Variants in DPP6 observed in about 807,000 individuals in gnomAD.
The protein encoded by DPP6 is dipeptidyl peptidase like 6.
DPP6 carries 69 observed loss-of-function variants against 122.6 expected under a neutral mutation model. The ratio of observed to expected loss-of-function variants is 0.56; its 90% CI spans 0.46 to 0.69. The LOEUF is 0.69. DPP6 is among the 30% of genes least tolerant of loss of function. The pLI, the probability that DPP6 is intolerant of heterozygous loss-of-function variation, is 0.00. For missense variants in DPP6, 928 were observed against 1,116.9 expected (o/e 0.83, Z 2.41); for synonymous variants, 418 against 433.1 (o/e 0.97, Z 0.43).
At chr7:154,341,074 T>C (rs1563510647) in intron 1 of DPP6, among the ~76,000 whole-genome samples, 1 of 152,238 alleles carries the variant, frequency 6.6e-6, no homozygotes, top group Non-Finnish European at 1.5e-5. Context: ...GCAGAGATAC[T>C]AGTTTTTATG....
chr7:154,177,496 A>G (rs1290571069), intron 1 of DPP6, among the ~76,000 whole-genome samples: 3 of 152,238 alleles, frequency 2.0e-5, no homozygotes, highest in East Asian at 1.9e-4. Flanking sequence ...GCCAAAGAGG[A>G]GTGACCACTG....
At chr7:154,478,643 C>G (rs1331226413) in intron 3 of DPP6, among the ~76,000 whole-genome samples, 1 of 152,070 alleles carries the variant, frequency 6.6e-6, no homozygotes, top group Admixed American at 6.6e-5. Context: ...ATTGAAATAA[C>G]TTGATCAATA....
intron 7 of DPP6, among the ~76,000 whole-genome samples, chr7:154,693,322 G>C (rs1176576742): frequency 1.3e-5 from 2 of 152,100 alleles, no homozygotes; most frequent in Non-Finnish European, 1.5e-5. Context: ...GTCTCCTCCA[G>C]GTCACATTTT....
At chr7:154,023,325 C>CACACAG (rs1420139978) in intron 1 of DPP6, among the ~76,000 whole-genome samples, 4 of 146,344 alleles carry the variant, frequency 2.7e-5, no homozygotes, top group Non-Finnish European at 6.0e-5. Context: ...TCTGCACACA[C>CACACAG]ACACACACAC....
intron 1 of DPP6, among the ~76,000 whole-genome samples, chr7:154,022,482 G>A (rs1400549471): frequency 1.3e-5 from 2 of 152,210 alleles, no homozygotes; most frequent in Non-Finnish European, 2.9e-5. Context: ...GAAAGTAGAG[G>A]CCGGGAAAAA....
chr7:153,874,700 A>G, the DPP6 span, among the ~76,000 whole-genome samples: 2 of 152,340 alleles, frequency 1.3e-5, no homozygotes, highest in African/African-American at 2.4e-5. Flanking sequence ...ATACCATGAA[A>G]TGGAAACCAT....
chr7:154,618,002 G>T lies in DPP6; in HGVS notation c.628-19819G>T, dbSNP rs928332640. On this transcript the variant is annotated intron_variant, in intron 5 of 25. Transcript: ENST00000377770. The surrounding 1 kb of genome is among the most constrained non-coding windows in gnomAD (Gnocchi z 4.1). Reference sequence around the variant, plus strand: ...TAGGCCATAGGGGCTGCAGACCCGGGACTCAAACGATGTGCAAAGGCCTCA... The same window carrying T: ...TAGGCCATAGGGGCTGCAGACCCGGTACTCAAACGATGTGCAAAGGCCTCA... 1.4e-4 allele frequency among the ~76,000 whole-genome samples: 21 copies of T among 152,144 alleles called. No homozygotes were observed. Among genetic ancestry groups the T allele is most frequent in the Non-Finnish European group, 1.5e-4 (10 of 68,028 alleles).
chr7:154,204,531 G>A (rs1022782928), intron 1 of DPP6, among the ~76,000 whole-genome samples: 1 of 152,046 alleles, frequency 6.6e-6, no homozygotes, highest in Non-Finnish European at 1.5e-5. Flanking sequence ...TATCATCATC[G>A]GCCTCCTCTC....
chr7:154,670,866 AGATC>A (rs1838508681), intron 7 of DPP6, among the ~76,000 whole-genome samples: 2 of 152,194 alleles, frequency 1.3e-5, no homozygotes, highest in Admixed American at 6.5e-5. Context: ...AAAAGCAAGA[AGATC>A]GAGGCGGTGA....
At chr7:154,163,504 G>T (rs1177845856) in intron 1 of DPP6, among the ~76,000 whole-genome samples, 2 of 152,114 alleles carry the variant, frequency 1.3e-5, no homozygotes, top group Admixed American at 1.3e-4. Context: ...AGACATATCT[G>T]TTCTGAAAAA....
rs543515222 is a variant in DPP6, at chr7:154,595,465, C to T, written c.627+28549C>T. Among the ~76,000 whole-genome samples the T allele has an allele frequency of 2.7e-4, 41 of 152,286 alleles. No individual in the cohort carries two copies. The East Asian group carries it at 7.5e-3, about 28-fold the overall frequency. On this transcript the variant is annotated intron_variant, in intron 5 of 25. Coordinates refer to ENST00000377770, the MANE Select transcript of DPP6 (RefSeq NM_130797.4). ...GTTAGACCATGGATGAAAGACCGCC[C>T]ATCCTAGGATTATAAACTGGGTAAG...
chr7:154,102,355 A>T (rs1182592505), intron 1 of DPP6, among the ~76,000 whole-genome samples: 1 of 151,958 alleles, frequency 6.6e-6, no homozygotes. Flanking sequence ...ACGCCCAGCT[A>T]ATTTTTGTAT....
At chr7:154,258,408 A>C (rs1802795887) in intron 1 of DPP6, among the ~76,000 whole-genome samples, 1 of 152,256 alleles carries the variant, frequency 6.6e-6, no homozygotes, top group African/African-American at 2.4e-5. Context: ...ACCAAAAATC[A>C]CAGCAAATTC....
chr7:154,006,956 T>G (rs1797939722), intron 1 of DPP6, among the ~76,000 whole-genome samples: 1 of 152,240 alleles, frequency 6.6e-6, no homozygotes, highest in South Asian at 2.1e-4. Context: ...AGTTTTTGTC[T>G]CCTACAGCTG....
At chr7:153,842,188 G>T in the DPP6 span, among the ~76,000 whole-genome samples, 1 of 152,176 alleles carries the variant, frequency 6.6e-6, no homozygotes, top group Non-Finnish European at 1.5e-5. Context: ...ATGCAAGTGT[G>T]CAGTCCAAGA....
chr7:153,892,572 C>G (rs1399336895), intron 1 of DPP6, among the ~76,000 whole-genome samples: 1 of 152,116 alleles, frequency 6.6e-6, no homozygotes, highest in Admixed American at 6.5e-5. Flanking sequence ...TCTCGGCCCC[C>G]CAAAGTGCTG....
chr7:154,235,173 C>A (rs1162043984), intron 1 of DPP6, among the ~76,000 whole-genome samples: 1 of 152,234 alleles, frequency 6.6e-6, no homozygotes, highest in African/African-American at 2.4e-5. Flanking sequence ...CCTTAGCAGT[C>A]ACTCTGCATC....
intron 1 of DPP6, among the ~76,000 whole-genome samples, chr7:154,278,365 G>A (rs1442539108): frequency 6.6e-6 from 1 of 152,160 alleles, no homozygotes; most frequent in Non-Finnish European, 1.5e-5. Flanking sequence ...ATGCCCTCGT[G>A]GAAGACTTTG....
chr7:153,974,688 T>G (rs1187627966), intron 1 of DPP6, among the ~76,000 whole-genome samples: 1 of 152,204 alleles, frequency 6.6e-6, no homozygotes, highest in Non-Finnish European at 1.5e-5. Flanking sequence ...TGCAAAGTGC[T>G]TGAACATTCT....
Sources: allele counts gnomAD v4.1 joint callset (sites outside exome capture counted in the v4.1 genomes callset), GRCh38; gene constraint gnomAD v4.1.1; non-coding constraint Gnocchi (gnomAD v3.1); transcripts MANE v1.5; gene names NCBI Gene and HGNC (gene_info 2026-07-23, HGNC 2026-07-21).